The following PPM1D variants were observed in gnomAD, a reference collection of about 807,000 sequenced individuals.
The protein encoded by PPM1D is protein phosphatase, Mg2+/Mn2+ dependent 1D.
PPM1D carries 52 observed loss-of-function variants against 58.3 expected under a neutral mutation model. That is an observed-to-expected ratio of 0.89 (90% CI 0.71 to 1.12). The LOEUF (loss-of-function observed/expected upper bound fraction) is 1.12. Among genes scored for constraint, PPM1D ranks in the 50% most tolerant of loss-of-function variants. The pLI is 0.00. For synonymous variants in PPM1D, 278 were observed against 285.1 expected, an observed-to-expected ratio of 0.98 and a Z score of 0.25; for missense variants, 564 against 777.2, an observed-to-expected ratio of 0.73 and a Z score of 3.26.
intron 1 of PPM1D, among the ~76,000 whole-genome samples, chr17:60,606,546 A>G (rs2030333304): frequency 6.6e-6 from 1 of 152,084 alleles, no homozygotes; most frequent in Non-Finnish European, 1.5e-5. Context: ...CCCATATTCT[A>G]ACGCTTGTTA....
chr17:60,642,253 A>T (rs2031148297), intron 3 of PPM1D, among the ~76,000 whole-genome samples: 1 of 152,178 alleles, frequency 6.6e-6, no homozygotes, highest in South Asian at 2.1e-4. Flanking sequence ...CAACTTGAGC[A>T]TCAAAACAAA....
intron 1 of PPM1D, among the ~76,000 whole-genome samples, chr17:60,614,163 G>T (rs994468670): frequency 6.6e-6 from 1 of 152,196 alleles, no homozygotes; most frequent in African/African-American, 2.4e-5. Context: ...ACACCAATCA[G>T]CACTCCGTAT....
intron 3 of PPM1D, among the ~76,000 whole-genome samples, chr17:60,645,979 A>G (rs2031244126): frequency 2.0e-5 from 3 of 151,998 alleles, no homozygotes. Flanking sequence ...CGCCATCTCT[A>G]CAAAAAATAA....
chr17:60,648,102 C>G lies in PPM1D; in HGVS notation c.1017+20C>G. On this transcript the variant is annotated intron_variant, in intron 4 of 5. Coordinates refer to ENST00000305921, the MANE Select transcript of PPM1D (RefSeq NM_003620.4). ...CTGATGGTGAGATGTGATTGAATAA[C>G]TTGATATTGTTGTCTAAACATTGTT... is the stretch of plus-strand genomic sequence containing the variant. 1 of 1,590,456 alleles carries G rather than the reference C, an allele frequency of 6.3e-7. No individual in the cohort carries two copies. The highest frequency in any genetic ancestry group is 1.1e-5 in the South Asian group (1 of 88,532).
intron 5 of PPM1D, among the ~76,000 whole-genome samples, chr17:60,658,421 G>A (rs1185679321): frequency 2.0e-5 from 3 of 148,360 alleles, no homozygotes; most frequent in Non-Finnish European, 4.5e-5. Context: ...GGCTGAGTTG[G>A]GCAGATAACC....
Position 60,666,203 on chromosome 17 carries a change from A to ATTG in PPM1D, c.*2651_*2652insTTG, listed in dbSNP as rs2031614123. 7.2e-5 allele frequency: 11 copies of ATTG among 152,330 alleles called. No homozygotes were observed. The South Asian group carries it at 2.3e-3, about 32-fold the overall frequency. 9.4% of individuals were successfully genotyped at this position (152,330 alleles called of 1,614,324 possible). A position where few individuals can be genotyped will look rare whatever the true frequency, so the allele number is the denominator to read the frequency against. On this transcript the variant is annotated 3_prime_UTR_variant, in exon 6 of 6. Transcript: ENST00000305921. ...ATGAACAATGTTATTTTCATCTTCC[A>ATTG]GACATCTGGAAGATTGCTCTAGTGG... is the stretch of plus-strand genomic sequence containing the variant.
At chr17:60,633,811 T>C in intron 2 of PPM1D, 42 bp from the exon 3 acceptor site, 3 of 1,524,256 alleles carry the variant, frequency 2.0e-6, no homozygotes, top group Non-Finnish European at 2.7e-6. Flanking sequence ...AGTTGTTGTA[T>C]TTTAATCATT....
chr17:60,620,002 G>GT (rs1337421835), intron 1 of PPM1D, among the ~76,000 whole-genome samples: 3 of 150,090 alleles, frequency 2.0e-5, no homozygotes, highest in Non-Finnish European at 4.4e-5. Context: ...GTTTTGTTTT[G>GT]TTTTGTTTTG....
intron 1 of PPM1D, among the ~76,000 whole-genome samples, chr17:60,609,576 A>C (rs764925546): frequency 1.3e-5 from 2 of 152,132 alleles, no homozygotes; most frequent in Non-Finnish European, 2.9e-5. Context: ...GCATGATGAA[A>C]TCTTGTCTCG....
chr17:60,615,228 C>T (rs1374206150), intron 1 of PPM1D, among the ~76,000 whole-genome samples: 1 of 151,980 alleles, frequency 6.6e-6, no homozygotes, highest in African/African-American at 2.4e-5. Flanking sequence ...GGAACCCCCT[C>T]TGTACAAAAA....
In PPM1D at chr17:60,600,257, G is replaced by A. The variant is rs2143605956; in HGVS notation, c.-158G>A. The A allele has an allele frequency of 5.1e-6, 7 of 1,385,296 alleles. No homozygotes were observed. Among genetic ancestry groups the A allele is most frequent in the South Asian group, 4.4e-5 (3 of 68,844 alleles). The allele number at this position is 1,385,296 out of a possible 1,614,324, so 85.8% of individuals were successfully genotyped here. On this transcript the variant is annotated 5_prime_UTR_variant, in exon 1 of 6. Coordinates refer to ENST00000305921, the MANE Select transcript of PPM1D (RefSeq NM_003620.4). ...GCTCCGGCCCAGCTCTCGCGGACAAGTCCAGACATCGCGCGCCCCCCCTTC... is the reference window on the plus strand; with the variant it reads ...GCTCCGGCCCAGCTCTCGCGGACAAATCCAGACATCGCGCGCCCCCCCTTC...
chr17:60,661,548 A>G (rs1185271927), intron 5 of PPM1D, among the ~76,000 whole-genome samples: 1 of 152,176 alleles, frequency 6.6e-6, no homozygotes, highest in Non-Finnish European at 1.5e-5. Context: ...TTAGAGCACT[A>G]CACTCAAAGT....
chr17:60,613,904 AC>A (rs1419084550), intron 1 of PPM1D, among the ~76,000 whole-genome samples: 3 of 86,064 alleles, frequency 3.5e-5, no homozygotes, highest in African/African-American at 4.9e-5. Flanking sequence ...CCCCCCCGCC[AC>A]CCCCCCGCCT....
intron 4 of PPM1D, 127 bp from the exon 5 acceptor site, chr17:60,656,472 A>AG (rs1667489068): frequency 3.1e-6 from 4 of 1,298,800 alleles, no homozygotes; most frequent in Non-Finnish European, 3.1e-6. Context: ...AAAAGAGAAA[A>AG]GAAAAAAAAA....
chr17:60,649,960 A>T (rs1002189190), intron 4 of PPM1D, among the ~76,000 whole-genome samples: 1 of 152,190 alleles, frequency 6.6e-6, no homozygotes, highest in Non-Finnish European at 1.5e-5. Context: ...CTTCTGTCTA[A>T]TGGATTTAGA....
At chr17:60,626,081 T>A (rs1598404462) in intron 2 of PPM1D, among the ~76,000 whole-genome samples, 2 of 152,164 alleles carry the variant, frequency 1.3e-5, no homozygotes, top group Admixed American at 1.3e-4. Flanking sequence ...TTTTAATCAG[T>A]CTCCTATTGA....
intron 2 of PPM1D, among the ~76,000 whole-genome samples, chr17:60,632,329 T>C (rs532722958): frequency 7.2e-5 from 11 of 152,220 alleles, no homozygotes; most frequent in Non-Finnish European, 1.5e-4. Context: ...TTTCACAAAG[T>C]CTAGTCTCAA....
At chr17:60,622,735 T>A (rs187819165) in intron 1 of PPM1D, among the ~76,000 whole-genome samples, 6 of 152,338 alleles carry the variant, frequency 3.9e-5, no homozygotes, top group African/African-American at 1.4e-4. Context: ...AGTATAGAAC[T>A]TGGTATACAG....
intron 3 of PPM1D, 39 bp from the exon 4 acceptor site, chr17:60,647,853 C>T: frequency 6.5e-7 from 1 of 1,529,118 alleles, no homozygotes; most frequent in Non-Finnish European, 9.0e-7. Flanking sequence ...TATTAGCTTC[C>T]AACTAATACT....
Sources: gnomAD v4.1 joint callset for allele counts (sites outside exome capture counted in the v4.1 genomes callset) on GRCh38, gnomAD v4.1.1 for gene constraint, MANE v1.5 for transcripts, NCBI Gene and HGNC (gene_info 2026-07-23, HGNC 2026-07-21) for gene names.